Variants in HDAC6 observed in about 807,000 individuals in gnomAD.
HDAC6 encodes the protein protein deacetylase HDAC6.
A neutral mutation model predicts 88.9 loss-of-function variants in HDAC6; 5 were observed. The ratio of observed to expected loss-of-function variants is 0.06; its 90% CI spans 0.03 to 0.12. The LOEUF is 0.12. Ranked by LOEUF, HDAC6 falls within the 10% of genes least tolerant of loss-of-function variation. The pLI, the probability that HDAC6 is intolerant of heterozygous loss-of-function variation, is 1.00. For synonymous variants in HDAC6, 378 were observed against 398.0 expected (o/e 0.95, Z 0.60); for missense variants, 706 against 1,014.4 (o/e 0.70, Z 4.13).
In HDAC6 at chrX:48,822,767, A is replaced by G; in HGVS notation, c.2485A>G (p.Arg829Gly). The G allele has an allele frequency of 8.3e-7, 1 of 1,204,269 alleles. No individual in the cohort carries two copies. The highest frequency in any genetic ancestry group is 1.8e-5 in the South Asian group (1 of 56,361). The stretch of plus-strand genomic sequence containing the variant: ...CACTGAGACCATCCAAGTCCATCGC[A>G]GATACTGGCGCAGCTTACGGGTCAT... ...SITETIQVHR[R>G]YWRSLRVMKV... is the part of the protein sequence containing the mutation. The change falls in exon 24 of 29, where the codon AGA (arginine) becomes GGA (glycine). Residue 829 changes from arginine to glycine, a missense_variant. Arg to Gly is a moderately radical substitution (Grantham distance 125, BLOSUM62 -2). This residue lies in a region of HDAC6 where 138 missense variants were observed against 303.5 expected (regional missense o/e 0.45). Transcript: ENST00000334136.
intron 13 of HDAC6, 26 bp downstream of exon 13, chrX:48,814,919 G>C: frequency 8.3e-7 from 1 of 1,210,368 alleles, no homozygotes; most frequent in Non-Finnish European, 1.1e-6. Context: ...TGGGGCGGCA[G>C]GTGGGTTGCA....
rs1557031089 is a variant in HDAC6, at chrX:48,823,525, C to G, written c.3126C>G (p.Pro1042=). Residue 1042 remains proline (P), a synonymous_variant, in exon 25 of 29, where the codon CCC becomes CCG. Transcript: ENST00000334136. ...CCTCACCTGTGCAGGGAACTACACC[C>G]CAGATATCTCCCAGTACACTGATTG... ...PPTSPVQGTT[P]QISPSTLIGS... is the part of the protein sequence containing the mutation. 1 of 1,208,427 alleles carries G rather than the reference C, an allele frequency of 8.3e-7. No individual in the cohort carries two copies. The highest frequency in any genetic ancestry group is 1.8e-5 in the African/African-American group (1 of 57,053).
At chrX:48,822,174 G>A (rs1357522422) in intron 23 of HDAC6, among the ~76,000 whole-genome samples, 5 of 111,651 alleles carry the variant, frequency 4.5e-5, no homozygotes, top group Non-Finnish European at 5.6e-5. Context: ...CACAGCAGTC[G>A]TCTTGTGCAG....
intron 6 of HDAC6, 86 bp downstream of exon 6, chrX:48,805,757 A>G (rs2062807538): frequency 6.2e-6 from 5 of 803,968 alleles, no homozygotes; most frequent in South Asian, 4.6e-5. Context: ...AAGCAATGTC[A>G]TGGTCTCTGC....
chrX:48,824,832 C>G lies in HDAC6; in HGVS notation c.*220C>G. ...CTGCCCATTGCCTGCTTGAGGGGCACCACTACTCCAGCCCAGAAGGAAAGG... is the reference window on the plus strand; with the variant it reads ...CTGCCCATTGCCTGCTTGAGGGGCAGCACTACTCCAGCCCAGAAGGAAAGG... On this transcript the variant is annotated 3_prime_UTR_variant, in exon 29 of 29. Transcript: ENST00000334136. The G allele has an allele frequency of 9.0e-7, 1 of 1,116,974 alleles. No individual in the cohort carries two copies. Among genetic ancestry groups the G allele is most frequent in the Non-Finnish European group, 1.2e-6 (1 of 852,341 alleles). 92.1% of individuals were successfully genotyped at this position (1,116,974 alleles called of 1,213,427 possible).
chrX:48,808,735 T>C (rs1425683970), intron 10 of HDAC6, among the ~76,000 whole-genome samples: 1 of 112,303 alleles, frequency 8.9e-6, no homozygotes, highest in Admixed American at 9.5e-5. Context: ...AAAACAAATA[T>C]AAATAAATAA....
chrX:48,819,755 G>C (rs2063049874), intron 22 of HDAC6: 1 of 289,653 alleles, frequency 3.5e-6, no homozygotes, highest in Admixed American at 4.9e-5. Context: ...GTGTTAGCCA[G>C]GATGGTCTCA....
chrX:48,816,752 A>AAGGGGGCAGGGGGGG, intron 19 of HDAC6, 119 bp downstream of exon 19: 1 of 104,372 alleles, frequency 9.6e-6, no homozygotes. Context: ...GGCCATGGGG[A>AAGGGGGCAGGGGGGG]GGGGCACGGG....
intron 10 of HDAC6, 25 bp from the exon 11 acceptor site, chrX:48,814,415 T>C (rs2062948925): frequency 2.5e-6 from 3 of 1,207,334 alleles, no homozygotes; most frequent in African/African-American, 1.8e-5. Flanking sequence ...TCCAACTCTC[T>C]TACCTCTTTT....
chrX:48,818,710 G>A (rs905439548), intron 22 of HDAC6, among the ~76,000 whole-genome samples: 4 of 112,423 alleles, frequency 3.6e-5, no homozygotes, highest in African/African-American at 6.5e-5. Flanking sequence ...CTGGATCTGT[G>A]TTGTATGTGC....
chrX:48,819,891 TTCTACC>T (rs1557029116), intron 22 of HDAC6: 3 of 503,290 alleles, frequency 6.0e-6, no homozygotes, highest in Non-Finnish European at 1.1e-5. Flanking sequence ...CATCTATTTC[TTCTACC>T]TCTGAGTCTG....
chrX:48,808,235 TC>T, intron 9 of HDAC6, 22 bp from the exon 10 acceptor site: 1 of 1,187,609 alleles, frequency 8.4e-7, no homozygotes, highest in Non-Finnish European at 1.1e-6. Context: ...TTGCACAGAG[TC>T]CCCTCTCTCT....
chrX:48,812,168 C>T (rs1184375046), intron 10 of HDAC6, among the ~76,000 whole-genome samples: 1 of 112,438 alleles, frequency 8.9e-6, no homozygotes, highest in East Asian at 2.8e-4. Context: ...TGTGTTCTTT[C>T]ATGGGTACAC....
At chrX:48,823,855 G>A in intron 26 of HDAC6, 67 bp from the exon 27 acceptor site, 1 of 1,197,936 alleles carries the variant, frequency 8.3e-7, no homozygotes. Flanking sequence ...GTAGGAGCAT[G>A]TGATGAATAA....
Position 48,815,427 on chromosome X carries a change from C to T in HDAC6, c.1193C>T (p.Ser398Leu), listed in dbSNP as rs782582853. ...GCCCTGGCTGAAGGCGTCAGTGCTT[C>T]GCTCCACACCCTTCTGGGAGACCCT... ...LRALAEGVSA[S>L]LHTLLGDPCP... is the part of the protein sequence containing the mutation. The change falls in exon 15 of 29, where the codon TCG (serine) becomes TTG (leucine). Residue 398 changes from serine to leucine, a missense_variant. Transcript: ENST00000334136. The T allele has an allele frequency of 5.8e-6, 7 of 1,205,822 alleles. No homozygotes were observed. Among genetic ancestry groups the T allele is most frequent in the African/African-American group, 1.8e-5 (1 of 57,031 alleles).
In HDAC6 at chrX:48,823,980, C is replaced by T; in HGVS notation, c.3362C>T (p.Pro1121Leu). 8.3e-7 allele frequency: 1 copy of T among 1,210,969 alleles called. No individual in the cohort carries two copies. The highest frequency in any genetic ancestry group is 1.1e-6 in the Non-Finnish European group (1 of 894,689). Residue 1121 changes from proline to leucine, a missense_variant, in exon 27 of 29, where the codon CCC becomes CTC. Pro to Leu is a moderately conservative substitution (Grantham distance 98). Around this residue, in one of 9 missense-constraint regions of HDAC6, gnomAD observed 112 missense variants for 95.1 expected, o/e 1.18. Transcript: ENST00000334136. ...TGTCCCCATTTGGTGGCAGTATGCC[C>T]CATACCTGCAGCAGGCCTAGACGTG... ...PWCPHLVAVC[P>L]IPAAGLDVTQ...
In HDAC6 at chrX:48,815,006, C is replaced by T; in HGVS notation, c.1104C>T (p.His368=). The change falls in exon 14 of 29, where the codon CAC becomes CAT. Residue 368 remains histidine (H), a synonymous_variant. Coordinates refer to ENST00000334136, the MANE Select transcript of HDAC6 (RefSeq NM_006044.4). The part of the protein sequence containing the change: ...ATPAGFAQLT[H]LLMGLAGGKL... ...CGGCAGGGTTCGCCCAGCTAACCCA[C>T]CTGCTCATGGGTCTGGCAGGAGGCA... 2.5e-6 allele frequency: 3 copies of T among 1,207,706 alleles called. No homozygotes were observed. The highest frequency in any genetic ancestry group is 1.8e-5 in the South Asian group (1 of 56,262).
Position 48,802,083 on chromosome X carries a change from C to A in HDAC6, c.-90C>A, listed in dbSNP as rs2062734490. 23 of 897,693 alleles carry A rather than the reference C, an allele frequency of 2.6e-5. No homozygotes were observed. The highest frequency in any genetic ancestry group is 3.2e-5 in the Non-Finnish European group (23 of 720,950). 74.0% of individuals were successfully genotyped at this position (897,693 alleles called of 1,213,427 possible). A position where few individuals can be genotyped will look rare whatever the true frequency, so the allele number is the denominator to read the frequency against. On this transcript the variant is annotated 5_prime_UTR_variant, in exon 1 of 29. Coordinates refer to ENST00000334136, the MANE Select transcript of HDAC6 (RefSeq NM_006044.4). Reference sequence around the variant, plus strand: ...GGTGGAGCTGGTTGAAGGAACGGGGCAGTCCCCTGAGGAGCGGGGCTGGTT... The same window carrying A: ...GGTGGAGCTGGTTGAAGGAACGGGGAAGTCCCCTGAGGAGCGGGGCTGGTT...
intron 19 of HDAC6, 113 bp from the exon 20 acceptor site, chrX:48,817,213 C>T: frequency 3.4e-6 from 3 of 889,752 alleles, no homozygotes; most frequent in South Asian, 6.5e-5. Context: ...GATGGCGCCA[C>T]TGCATTCCAG....
Sources: gnomAD v4.1 joint callset for allele counts (sites outside exome capture counted in the v4.1 genomes callset) on GRCh38, gnomAD v4.1.1 for gene constraint, gnomAD v4.1.1 regional missense constraint, MANE v1.5 for transcripts, NCBI Gene and HGNC (gene_info 2026-07-23, HGNC 2026-07-21) for gene names.